Variants in RBFOX1 observed in about 807,000 individuals in gnomAD.
RBFOX1 encodes RNA binding fox-1 homolog 1, also known as RNA binding protein fox-1 homolog 1.
RBFOX1 carries 8 observed loss-of-function variants against 57.7 expected under a neutral mutation model. The ratio of observed to expected loss-of-function variants is 0.14; its 90% CI spans 0.08 to 0.25. The LOEUF (loss-of-function observed/expected upper bound fraction) is 0.25. Ranked by LOEUF, RBFOX1 falls within the 10% of genes least tolerant of loss-of-function variation. The pLI, the probability that RBFOX1 is intolerant of heterozygous loss-of-function variation, is 1.00. For synonymous variants in RBFOX1, 326 were observed against 222.4 expected, an observed-to-expected ratio of 1.47 and a Z score of -4.15; for missense variants, 611 against 548.5, an observed-to-expected ratio of 1.11 and a Z score of -1.14.
intron 4 of RBFOX1, among the ~76,000 whole-genome samples, chr16:7,053,921 A>T (rs555285688): frequency 4.6e-5 from 7 of 152,238 alleles, no homozygotes; most frequent in Non-Finnish European, 5.9e-5. Context: ...TGGATAGAGC[A>T]CACATATATA....
At chr16:6,988,031 A>C (rs1036802568) in intron 3 of RBFOX1, among the ~76,000 whole-genome samples, 3 of 152,198 alleles carry the variant, frequency 2.0e-5, no homozygotes, top group African/African-American at 7.2e-5. Flanking sequence ...AAAAAAAATT[A>C]GATATGGAAA....
intron 2 of RBFOX1, among the ~76,000 whole-genome samples, chr16:5,488,536 GCGGGGTGTGATGGTGATAA>G (rs2042718682): frequency 1.1e-5 from 1 of 87,166 alleles, no homozygotes. Flanking sequence ...TGATGGTGTG[GCGGGGTGTGATGGTGATAA>G]TGGAGGATTA....
Position 6,497,810 on chromosome 16 carries a change from G to C in RBFOX1, c.-63-156793G>C, listed in dbSNP as rs563140224. On this transcript the variant is annotated intron_variant, in intron 2 of 15. Transcript: ENST00000550418. Reference sequence around the variant, plus strand: ...GACCTCAAGTGATCCACCCATCTCAGCCTCCCAAAGTGTAGGTATTACAGG... The same window carrying C: ...GACCTCAAGTGATCCACCCATCTCACCCTCCCAAAGTGTAGGTATTACAGG... 9.3e-4 allele frequency among the ~76,000 whole-genome samples: 141 copies of C among 152,104 alleles called. 1 individual carries two copies. The highest frequency in any genetic ancestry group is 3.2e-3 in the African/African-American group (132 of 41,512).
At chr16:7,420,971 A>G (rs1013202272) in intron 4 of RBFOX1, among the ~76,000 whole-genome samples, 3 of 147,988 alleles carry the variant, frequency 2.0e-5, no homozygotes, top group Non-Finnish European at 4.5e-5. Flanking sequence ...ATATATATAT[A>G]TATGTAGTCC....
At chr16:5,315,878 G>A (rs1347630115) in intron 1 of RBFOX1, among the ~76,000 whole-genome samples, 1 of 152,094 alleles carries the variant, frequency 6.6e-6, no homozygotes, top group East Asian at 1.9e-4. Flanking sequence ...TGATGCCAGA[G>A]TATCAGACTC....
At chr16:6,007,248 C>T (rs953260778) in intron 4 of RBFOX1, among the ~76,000 whole-genome samples, 2 of 152,174 alleles carry the variant, frequency 1.3e-5, no homozygotes, top group Non-Finnish European at 2.9e-5. Context: ...ACTTCCAAGA[C>T]TGAGTCATAA....
At chr16:5,984,073 CTCCCCCTCCTCCTCCTCCCTCCCA>C in intron 4 of RBFOX1, among the ~76,000 whole-genome samples, 4 of 45,082 alleles carry the variant, frequency 8.9e-5, no homozygotes, top group African/African-American at 4.7e-4. Flanking sequence ...CTCCCTCCCA[CTCCCCCTCCTCCTCCTCCCTCCCA>C]CTCCCCCTCC....
intron 4 of RBFOX1, among the ~76,000 whole-genome samples, chr16:7,170,790 G>C (rs1265358776): frequency 1.3e-5 from 2 of 152,134 alleles, no homozygotes; most frequent in South Asian, 4.2e-4. Flanking sequence ...AAAACATGTA[G>C]CTTATTAAGG....
chr16:5,631,440 C>T (rs1463576806), intron 3 of RBFOX1, among the ~76,000 whole-genome samples: 2 of 151,980 alleles, frequency 1.3e-5, no homozygotes, highest in African/African-American at 2.4e-5. Context: ...GCTTGTAGTC[C>T]CAGCTACTCG....
At chr16:6,882,546 A>G (rs887427918) in intron 3 of RBFOX1, among the ~76,000 whole-genome samples, 2 of 152,132 alleles carry the variant, frequency 1.3e-5, no homozygotes, top group African/African-American at 4.8e-5. Flanking sequence ...CAGTGAGCTG[A>G]GATCGCACCA....
chr16:6,831,480 A>AT (rs573362854), intron 3 of RBFOX1, among the ~76,000 whole-genome samples: 17 of 152,200 alleles, frequency 1.1e-4, no homozygotes, highest in Admixed American at 2.6e-4. Flanking sequence ...TGCCCATTAT[A>AT]TATCATTTAC....
rs189059129 is a variant in RBFOX1 at position 6,202,666 on chromosome 16, G to A, written c.-126-114329G>A. 9.2e-5 allele frequency among the ~76,000 whole-genome samples: 14 copies of A among 152,164 alleles called. No homozygotes were observed. In the East Asian group the frequency reaches 1.5e-3, roughly 17 times the overall value. On this transcript the variant is annotated intron_variant, in intron 1 of 15. Transcript: ENST00000550418. ...TTAACGTATACAGCTTGATAAATTCGGAGGTAACTATACATCCAGGAAACC... is the reference window on the plus strand; with the variant it reads ...TTAACGTATACAGCTTGATAAATTCAGAGGTAACTATACATCCAGGAAACC...
intron 1 of RBFOX1, among the ~76,000 whole-genome samples, chr16:6,084,685 A>G (rs2096060062): frequency 6.6e-6 from 1 of 152,164 alleles, no homozygotes; most frequent in Non-Finnish European, 1.5e-5. Flanking sequence ...ATGATGCTCT[A>G]TCGGGATTCC....
intron 3 of RBFOX1, among the ~76,000 whole-genome samples, chr16:5,808,312 G>A (rs2055301281): frequency 6.6e-6 from 1 of 152,172 alleles, no homozygotes; most frequent in Non-Finnish European, 1.5e-5. Flanking sequence ...TGCTGTTTTG[G>A]TTACTGTACC....
chr16:7,056,367 A>G (rs763641507), intron 4 of RBFOX1, among the ~76,000 whole-genome samples: 39 of 152,094 alleles, frequency 2.6e-4, no homozygotes, highest in Non-Finnish European at 5.1e-4. Context: ...TGCAATTCAC[A>G]TTATTGGCTG....
intron 1 of RBFOX1, among the ~76,000 whole-genome samples, chr16:5,290,569 A>G (rs2063508729): frequency 6.6e-6 from 1 of 152,342 alleles, no homozygotes; most frequent in East Asian, 1.9e-4. Context: ...TATATTAAAC[A>G]AGTAAAATCT....
chr16:5,377,589 A>G (rs1438360550), intron 1 of RBFOX1, among the ~76,000 whole-genome samples: 2 of 147,368 alleles, frequency 1.4e-5, no homozygotes, highest in Non-Finnish European at 3.0e-5. Context: ...AGATGGGGGG[A>G]GAGAGAGAGA....
At chr16:7,012,769 T>C (rs1191596086) in intron 3 of RBFOX1, among the ~76,000 whole-genome samples, 4 of 152,232 alleles carry the variant, frequency 2.6e-5, no homozygotes, top group Non-Finnish European at 5.9e-5. Context: ...TAATGTTTCC[T>C]TTCAAGTTTT....
intron 2 of RBFOX1, among the ~76,000 whole-genome samples, chr16:6,446,490 G>A (rs1366957770): frequency 6.6e-6 from 1 of 152,130 alleles, no homozygotes; most frequent in Non-Finnish European, 1.5e-5. Flanking sequence ...GGGACCAGGA[G>A]TTTGGAGTAT....
Sources: gnomAD v4.1 joint callset for allele counts (sites outside exome capture counted in the v4.1 genomes callset) on GRCh38, gnomAD v4.1.1 for gene constraint, MANE v1.5 for transcripts, NCBI Gene and HGNC (gene_info 2026-07-23, HGNC 2026-07-21) for gene names.